Variants in GGACT observed in about 807,000 individuals in gnomAD.
The protein encoded by GGACT is gamma-glutamylaminecyclotransferase.
For synonymous variants in GGACT, 118 were observed against 115.3 expected (o/e 1.02, Z -0.15); for missense variants, 241 against 233.2 (o/e 1.03, Z -0.22).
intron 1 of GGACT, among the ~76,000 whole-genome samples, chr13:100,588,415 G>C (rs988720760): frequency 1.3e-5 from 2 of 152,226 alleles, no homozygotes; most frequent in African/African-American, 4.8e-5. Context: ...GGGCTGTCAC[G>C]CTTCCTTTAC....
At chr13:100,549,365 A>G (rs566645422) in intron 2 of GGACT, among the ~76,000 whole-genome samples, 1 of 152,202 alleles carries the variant, frequency 6.6e-6, no homozygotes, top group Non-Finnish European at 1.5e-5. Context: ...ACAGCCACCC[A>G]TGTGGCCCTA....
chr13:100,564,605 A>G (rs1472954338), intron 2 of GGACT, among the ~76,000 whole-genome samples: 1 of 152,228 alleles, frequency 6.6e-6, no homozygotes, highest in Non-Finnish European at 1.5e-5. Flanking sequence ...TTATCATTCT[A>G]TTTAACTACG....
intron 2 of GGACT, among the ~76,000 whole-genome samples, chr13:100,532,987 G>A (rs1436148972): frequency 6.6e-6 from 1 of 152,188 alleles, no homozygotes; most frequent in Non-Finnish European, 1.5e-5. Flanking sequence ...CTGGGCAGGA[G>A]GACCGTGCCC....
At chr13:100,582,683 C>G (rs1489923075) in intron 2 of GGACT, among the ~76,000 whole-genome samples, 1 of 152,160 alleles carries the variant, frequency 6.6e-6, no homozygotes, top group African/African-American at 2.4e-5. Context: ...TGGCCTCTAG[C>G]AGCTGCAAAA....
intron 2 of GGACT, among the ~76,000 whole-genome samples, chr13:100,561,497 A>G (rs1200147618): frequency 6.6e-6 from 1 of 152,130 alleles, no homozygotes; most frequent in Non-Finnish European, 1.5e-5. Context: ...ATCTTAATGC[A>G]GTGTCTTCCC....
At chr13:100,554,327 C>T (rs1475153219) in intron 2 of GGACT, among the ~76,000 whole-genome samples, 3 of 152,116 alleles carry the variant, frequency 2.0e-5, no homozygotes, top group Non-Finnish European at 4.4e-5. Flanking sequence ...TTAAATGATA[C>T]CAACTAGAAG....
At chr13:100,556,389 C>T (rs1220010159) in intron 2 of GGACT, among the ~76,000 whole-genome samples, 2 of 152,130 alleles carry the variant, frequency 1.3e-5, no homozygotes, top group African/African-American at 4.8e-5. Flanking sequence ...ACCAAAAAAT[C>T]TGAAATACTT....
Position 100,530,475 on chromosome 13 carries a change from A to G in GGACT, c.*1655T>C, listed in dbSNP as rs1490840562. 6.4e-6 allele frequency: 3 copies of G among 468,342 alleles called. No homozygotes were observed. Among genetic ancestry groups the G allele is most frequent in the Non-Finnish European group, 1.2e-5 (3 of 255,088 alleles). 29.0% of individuals were successfully genotyped at this position (468,342 alleles called of 1,614,324 possible). A position where few individuals can be genotyped will look rare whatever the true frequency, so the allele number is the denominator to read the frequency against. On this transcript the variant is annotated 3_prime_UTR_variant, in exon 3 of 3. Transcript: ENST00000683975. ...TTCTTTGAATGAAGACAATGTACAC[A>G]TAGGCGACAGGCTCTGCCAGTAGAC...
chr13:100,574,104 A>G (rs891156506), intron 2 of GGACT, among the ~76,000 whole-genome samples: 1 of 152,226 alleles, frequency 6.6e-6, no homozygotes, highest in Non-Finnish European at 1.5e-5. Flanking sequence ...TTGCTGTACT[A>G]TTCACAACAG....
chr13:100,560,045 C>T (rs2088745614), intron 2 of GGACT, among the ~76,000 whole-genome samples: 2 of 151,766 alleles, frequency 1.3e-5, no homozygotes, highest in Admixed American at 6.6e-5. Flanking sequence ...CGGGTAGATC[C>T]AGGAAAAGCC....
At chr13:100,577,450 T>TAAATAAAC (rs1363232308) in intron 2 of GGACT, among the ~76,000 whole-genome samples, 4 of 148,502 alleles carry the variant, frequency 2.7e-5, no homozygotes, top group Non-Finnish European at 6.0e-5. Flanking sequence ...AATAAATAAA[T>TAAATAAAC]AAAAAGAAAA....
chr13:100,550,769 C>T (rs1216876960), intron 2 of GGACT, among the ~76,000 whole-genome samples: 1 of 152,152 alleles, frequency 6.6e-6, no homozygotes, highest in Non-Finnish European at 1.5e-5. Flanking sequence ...TTTCTCCAAT[C>T]CACTCGCTTC....
rs1487943357 is a variant in GGACT at position 100,530,640 on chromosome 13, T to C, written c.*1490A>G. 4.1e-6 allele frequency: 1 copy of C among 245,326 alleles called. No individual in the cohort carries two copies. Among genetic ancestry groups the C allele is most frequent in the Non-Finnish European group, 7.9e-6 (1 of 125,880 alleles). 15.2% of individuals were successfully genotyped at this position (245,326 alleles called of 1,614,324 possible). ...CTAGAAGTGAGGCCCTCACTCCTGG[T>C]GCTGATTTTCAAAACTTCCTAAGGA... is the stretch of plus-strand genomic sequence containing the variant. On this transcript the variant is annotated 3_prime_UTR_variant, in exon 3 of 3. Coordinates refer to ENST00000683975, the MANE Select transcript of GGACT (RefSeq NM_001195087.2).
chr13:100,531,992 C>A lies in GGACT; in HGVS notation c.*138G>T. ...ATCTCAACATTATTTGTAAAATCAGCTGCCACTGAAAGATTGGTTCCTTTC... is the reference window on the plus strand; with the variant it reads ...ATCTCAACATTATTTGTAAAATCAGATGCCACTGAAAGATTGGTTCCTTTC... On this transcript the variant is annotated 3_prime_UTR_variant, in exon 3 of 3. Transcript: ENST00000683975. 1 of 510,320 alleles carries A rather than the reference C, an allele frequency of 2.0e-6. No individual in the cohort carries two copies. The allele number at this position is 510,320 out of a possible 1,614,324, so 31.6% of individuals were successfully genotyped here. A position where few individuals can be genotyped will look rare whatever the true frequency, so the allele number is the denominator to read the frequency against.
intron 2 of GGACT, among the ~76,000 whole-genome samples, chr13:100,575,633 G>A (rs1404525869): frequency 6.6e-6 from 1 of 152,170 alleles, no homozygotes; most frequent in East Asian, 1.9e-4. Flanking sequence ...TGTAGGTGGT[G>A]CACAACTGTG....
chr13:100,551,954 G>A (rs1173214935), intron 2 of GGACT, among the ~76,000 whole-genome samples: 1 of 152,164 alleles, frequency 6.6e-6, no homozygotes, highest in Non-Finnish European at 1.5e-5. Context: ...CAGAAGGAAA[G>A]GAGGTGCTGC....
intron 2 of GGACT, chr13:100,540,050 G>C: frequency 1.6e-6 from 2 of 1,288,358 alleles, no homozygotes; most frequent in Non-Finnish European, 2.2e-6. Flanking sequence ...TTCACATACA[G>C]CTTGGGAAGC....
chr13:100,541,938 A>G (rs1344145305), intron 2 of GGACT: 1 of 152,266 alleles, frequency 6.6e-6, no homozygotes, highest in Non-Finnish European at 1.5e-5. Flanking sequence ...AACACTACTT[A>G]TGCAATAGAA....
At chr13:100,563,985 G>A (rs896141733) in intron 2 of GGACT, among the ~76,000 whole-genome samples, 2 of 152,196 alleles carry the variant, frequency 1.3e-5, no homozygotes, top group Non-Finnish European at 2.9e-5. Context: ...GGACTGGGTG[G>A]AGGGAAGCCT....
Sources: gnomAD v4.1 joint callset for allele counts (sites outside exome capture counted in the v4.1 genomes callset) on GRCh38, gnomAD v4.1.1 for gene constraint, MANE v1.5 for transcripts, NCBI Gene and HGNC (gene_info 2026-07-23, HGNC 2026-07-21) for gene names.